SORCS1: variants seen among roughly 807,000 people sequenced by gnomAD.
SORCS1 encodes the protein VPS10 domain-containing receptor SorCS1.
Under a neutral mutation model 146.1 loss-of-function variants are expected in SORCS1, and 60 were observed. The observed-to-expected ratio is 0.41, with a 90% CI of 0.33 to 0.51. The LOEUF (loss-of-function observed/expected upper bound fraction) is 0.51, where lower values mean the gene tolerates loss of function less well. Ranked by LOEUF, SORCS1 falls within the 20% of genes least tolerant of loss-of-function variation. The pLI is 0.21. For synonymous variants in SORCS1, 637 were observed against 584.0 expected (o/e 1.09, Z -1.31); for missense variants, 1,352 against 1,487.6 (o/e 0.91, Z 1.50).
chr10:106,900,152 T>C (rs1306048998), intron 2 of SORCS1, among the ~76,000 whole-genome samples: 1 of 152,148 alleles, frequency 6.6e-6, no homozygotes, highest in East Asian at 1.9e-4. Flanking sequence ...TGAATTTTCA[T>C]TACATCCTGT....
chr10:106,852,140 A>G (rs1949610342), intron 2 of SORCS1, among the ~76,000 whole-genome samples: 1 of 151,942 alleles, frequency 6.6e-6, no homozygotes, highest in Admixed American at 6.6e-5. Flanking sequence ...AGATAGTTTT[A>G]TTTCTTCCTT....
At chr10:106,622,697 T>C (rs1198526194) in intron 19 of SORCS1, among the ~76,000 whole-genome samples, 2 of 152,204 alleles carry the variant, frequency 1.3e-5, no homozygotes, top group Non-Finnish European at 1.5e-5. Flanking sequence ...AACTAAATGT[T>C]CTGCTAACGA....
chr10:107,115,636 G>A (rs1001627253), intron 1 of SORCS1, among the ~76,000 whole-genome samples: 14 of 152,040 alleles, frequency 9.2e-5, no homozygotes, highest in Admixed American at 2.6e-4. Context: ...ATCTGAAACC[G>A]TAAAACTCAT....
chr10:107,125,435 C>CT (rs1459729224), intron 1 of SORCS1, among the ~76,000 whole-genome samples: 1 of 152,178 alleles, frequency 6.6e-6, no homozygotes, highest in African/African-American at 2.4e-5. Context: ...CCTGGATGTG[C>CT]TTGATCTGAC....
chr10:106,648,072 A>G (rs1256829306), intron 18 of SORCS1, among the ~76,000 whole-genome samples: 2 of 151,922 alleles, frequency 1.3e-5, no homozygotes, highest in African/African-American at 2.4e-5. Flanking sequence ...TAGTTGTCCA[A>G]GCTGGTCTCA....
chr10:107,095,553 T>G (rs2134341268), intron 1 of SORCS1, among the ~76,000 whole-genome samples: 1 of 152,328 alleles, frequency 6.6e-6, no homozygotes, highest in Non-Finnish European at 1.5e-5. Context: ...GTCAGTAAGA[T>G]ACATTCAAGT....
At chr10:106,614,090 C>A (rs1847192484) in intron 21 of SORCS1, among the ~76,000 whole-genome samples, 1 of 152,116 alleles carries the variant, frequency 6.6e-6, no homozygotes, top group Non-Finnish European at 1.5e-5. Context: ...TGGAATATAA[C>A]CTCAATCAGG....
intron 2 of SORCS1, among the ~76,000 whole-genome samples, chr10:106,883,760 C>CTACT (rs1950893975): frequency 6.6e-6 from 1 of 152,126 alleles, no homozygotes; most frequent in Non-Finnish European, 1.5e-5. Context: ...ATTGCCAGCT[C>CTACT]TACTCATTTC....
At chr10:107,127,857 C>T (rs975553132) in intron 1 of SORCS1, among the ~76,000 whole-genome samples, 3 of 152,206 alleles carry the variant, frequency 2.0e-5, no homozygotes, top group Non-Finnish European at 4.4e-5. Context: ...TTGAGTCAGG[C>T]ATACCTGGCT....
At chr10:107,138,114 G>A (rs1213352543) in intron 1 of SORCS1, among the ~76,000 whole-genome samples, 1 of 152,002 alleles carries the variant, frequency 6.6e-6, no homozygotes, top group African/African-American at 2.4e-5. Context: ...CAAATGGTAT[G>A]GTGACTAGCA....
intron 1 of SORCS1, among the ~76,000 whole-genome samples, chr10:107,116,540 G>A (rs1966048882): frequency 6.6e-6 from 1 of 152,056 alleles, no homozygotes; most frequent in Admixed American, 6.6e-5. Context: ...GAACTTGGAG[G>A]ACATTATGCT....
At chr10:106,895,572 C>T (rs1404418601) in intron 2 of SORCS1, among the ~76,000 whole-genome samples, 1 of 152,156 alleles carries the variant, frequency 6.6e-6, no homozygotes, top group Non-Finnish European at 1.5e-5. Context: ...GATTGTGCTA[C>T]CGCACTCCAG....
chr10:106,928,409 C>T (rs1436003782), intron 2 of SORCS1, among the ~76,000 whole-genome samples: 3 of 152,228 alleles, frequency 2.0e-5, no homozygotes, highest in Admixed American at 6.5e-5. Flanking sequence ...GCCAAGCCCG[C>T]GCCCACCCGG....
intron 23 of SORCS1, chr10:106,600,441 T>C: frequency 1.0e-6 from 1 of 982,418 alleles, no homozygotes; most frequent in Non-Finnish European, 1.2e-6. Context: ...AAATTTACAT[T>C]GCATATAAGA....
chr10:106,959,428 A>G (rs1955119082), intron 1 of SORCS1, among the ~76,000 whole-genome samples: 1 of 152,038 alleles, frequency 6.6e-6, no homozygotes, highest in Admixed American at 6.6e-5. Context: ...GCCTCTGTGC[A>G]TTATTTACCA....
intron 1 of SORCS1, among the ~76,000 whole-genome samples, chr10:107,000,385 G>T (rs1217623651): frequency 6.6e-6 from 1 of 151,780 alleles, no homozygotes; most frequent in Non-Finnish European, 1.5e-5. Context: ...GCATCATGAG[G>T]TCAGGAGATC....
chr10:106,636,643 C>G (rs1472065069), intron 18 of SORCS1, among the ~76,000 whole-genome samples: 1 of 152,082 alleles, frequency 6.6e-6, no homozygotes, highest in Non-Finnish European at 1.5e-5. Flanking sequence ...GGGAAACCAC[C>G]CCTATGATCC....
At chr10:107,095,249 T>C (rs561344652) in intron 1 of SORCS1, among the ~76,000 whole-genome samples, 1 of 152,282 alleles carries the variant, frequency 6.6e-6, no homozygotes, top group Admixed American at 6.5e-5. Flanking sequence ...TGCCAATGCA[T>C]AACACAGACA....
At chr10:106,881,076 CAAAA>C (rs59128024) in intron 2 of SORCS1, among the ~76,000 whole-genome samples, 2 of 69,162 alleles carry the variant, frequency 2.9e-5, no homozygotes, top group Non-Finnish European at 5.3e-5. Flanking sequence ...GACTCTGTCT[CAAAA>C]AAAAAAAAAA....
Sources: gnomAD v4.1 joint callset for allele counts (sites outside exome capture counted in the v4.1 genomes callset) on GRCh38, gnomAD v4.1.1 for gene constraint, MANE v1.5 for transcripts, NCBI Gene and HGNC (gene_info 2026-07-23, HGNC 2026-07-21) for gene names.